Variants in TLK1 observed in about 807,000 individuals in gnomAD.
TLK1 encodes the protein serine/threonine-protein kinase tousled-like 1.
Under a neutral mutation model 105.3 loss-of-function variants are expected in TLK1, and 24 were observed. The ratio of observed to expected loss-of-function variants is 0.23; its 90% confidence interval spans 0.17 to 0.32. TLK1 has a LOEUF of 0.32. Among genes scored for constraint, TLK1 ranks in the 10% least tolerant of loss-of-function variants. TLK1 has a pLI of 1.00. For missense variants in TLK1, 558 were observed against 910.5 expected (o/e 0.61, Z 4.98); for synonymous variants, 321 against 310.4 (o/e 1.03, Z -0.36).
intron 1 of TLK1, among the ~76,000 whole-genome samples, chr2:171,188,705 C>CAA (rs998138338): frequency 9.0e-5 from 4 of 44,632 alleles, no homozygotes; most frequent in Non-Finnish European, 1.4e-4. Flanking sequence ...GACTCTGTCT[C>CAA]AAAAAAAAAA....
intron 12 of TLK1, among the ~76,000 whole-genome samples, chr2:171,015,458 ACACAAACT>A (rs1685134285): frequency 7.6e-6 from 1 of 131,876 alleles, no homozygotes; most frequent in Non-Finnish European, 1.7e-5. Context: ...ACACACACAC[ACACAAACT>A]GACCACTCAC....
chr2:171,073,873 C>CA (rs1491521934), intron 3 of TLK1, among the ~76,000 whole-genome samples: 4 of 22,776 alleles, frequency 1.8e-4, no homozygotes, highest in Admixed American at 6.2e-4. Context: ...ACTTAACATT[C>CA]CCCCCCCCCC....
At chr2:171,086,721 A>G in intron 2 of TLK1, among the ~76,000 whole-genome samples, 1 of 152,072 alleles carries the variant, frequency 6.6e-6, no homozygotes, top group African/African-American at 2.4e-5. Flanking sequence ...GCTTTTGCTG[A>G]GGGGAAGGTC....
chr2:171,123,546 G>A (rs1402373908), intron 1 of TLK1, among the ~76,000 whole-genome samples: 2 of 152,146 alleles, frequency 1.3e-5, no homozygotes, highest in African/African-American at 2.4e-5. Flanking sequence ...AGTGGCTCAC[G>A]TCTGTAATCA....
At position 171,038,532 on chromosome 2, in the gene TLK1, A is replaced by T. The variant is rs372047053; in HGVS notation, c.1169+7642T>A. 3.9e-5 allele frequency among the ~76,000 whole-genome samples: 6 copies of T among 152,322 alleles called. No individual in the cohort carries two copies. In the East Asian group the frequency reaches 9.6e-4, roughly 24 times the overall value. On this transcript the variant is annotated intron_variant, in intron 11 of 20. Coordinates refer to ENST00000431350, the MANE Select transcript of TLK1 (RefSeq NM_012290.5). ...CACTTTCACTAACATTCATTTCAAAATATTTTGAAATCTTTCATTTCAGAA... is the reference window on the plus strand; with the variant it reads ...CACTTTCACTAACATTCATTTCAAATTATTTTGAAATCTTTCATTTCAGAA...
At chr2:171,192,191 C>T (rs1693167477) in intron 1 of TLK1, among the ~76,000 whole-genome samples, 1 of 152,012 alleles carries the variant, frequency 6.6e-6, no homozygotes, top group Non-Finnish European at 1.5e-5. Context: ...ACCATGTTGG[C>T]TAATTTTTTT....
rs570213927 is a variant in TLK1, at chr2:171,159,696, T to C, written c.139+594A>G. 3.9e-5 allele frequency: 6 copies of C among 152,360 alleles called. 1 individual carries two copies. Among genetic ancestry groups the C allele is most frequent in the African/African-American group, 1.4e-4 (6 of 41,556 alleles). 9.4% of individuals were successfully genotyped at this position (152,360 alleles called of 1,614,324 possible). A position where few individuals can be genotyped will look rare whatever the true frequency, so the allele number is the denominator to read the frequency against. Reference sequence around the variant, plus strand: ...AAAAGCCTGCCCACGAGTCAGTCTGTCGTTTAAATTGCTCTAGGGGGCCAC... The same window carrying C: ...AAAAGCCTGCCCACGAGTCAGTCTGCCGTTTAAATTGCTCTAGGGGGCCAC... On this transcript the variant is annotated intron_variant, in intron 1 of 20. Transcript: ENST00000431350.
At chr2:171,161,030 AG>A (rs1692480828), upstream of TLK1, 1 of 13,854 alleles carries the variant, frequency 7.2e-5, no homozygotes, top group African/African-American at 2.2e-4. Flanking sequence ...GGGACCTGCC[AG>A]GGGCTGGGGG....
chr2:171,187,316 A>G (rs530275948), intron 1 of TLK1, among the ~76,000 whole-genome samples: 2 of 152,268 alleles, frequency 1.3e-5, no homozygotes, highest in Non-Finnish European at 2.9e-5. Context: ...TCGCTGGAAT[A>G]CGTACACCTG....
intron 2 of TLK1, among the ~76,000 whole-genome samples, chr2:171,090,584 T>C (rs1689186566): frequency 1.3e-5 from 2 of 152,228 alleles, no homozygotes. Flanking sequence ...TACAAAGTCA[T>C]CAAATCCTTG....
intron 3 of TLK1, among the ~76,000 whole-genome samples, chr2:171,061,930 T>G (rs1188151220): frequency 6.6e-6 from 1 of 152,228 alleles, no homozygotes; most frequent in African/African-American, 2.4e-5. Context: ...GCTTTTACAT[T>G]ACAACGGCAG....
chr2:171,192,544 G>T (rs989244116), intron 1 of TLK1, among the ~76,000 whole-genome samples: 1 of 152,152 alleles, frequency 6.6e-6, no homozygotes, highest in Non-Finnish European at 1.5e-5. Flanking sequence ...GCCGGGCATG[G>T]TTGCACGTGC....
chr2:171,219,370 CCTCTGTCTCT>C (rs1693768375), intron 1 of TLK1, among the ~76,000 whole-genome samples: 1 of 152,134 alleles, frequency 6.6e-6, no homozygotes, highest in East Asian at 1.9e-4. Context: ...ATCGAGTCTC[CCTCTGTCTCT>C]CTCTGTCTTA....
intron 1 of TLK1, among the ~76,000 whole-genome samples, chr2:171,210,198 C>A (rs927985157): frequency 1.3e-5 from 2 of 152,062 alleles, no homozygotes; most frequent in African/African-American, 4.8e-5. Flanking sequence ...ATGTGGCAAC[C>A]AAGGTGTGTA....
upstream of TLK1, among the ~76,000 whole-genome samples, chr2:171,163,926 A>G (rs897331032): frequency 2.0e-5 from 3 of 152,126 alleles, no homozygotes; most frequent in African/African-American, 7.2e-5. Context: ...GGGTTTCACC[A>G]TGTTGCCCAG....
At chr2:171,082,616 T>C (rs1309257714) in intron 3 of TLK1, among the ~76,000 whole-genome samples, 165 bp downstream of exon 3, 1 of 152,198 alleles carries the variant, frequency 6.6e-6, no homozygotes, top group Admixed American at 6.5e-5. Context: ...AATGCAGTCT[T>C]CAATCTGAAT....
intron 11 of TLK1, among the ~76,000 whole-genome samples, chr2:171,037,169 C>T (rs182754240): frequency 1.2e-3 from 188 of 152,122 alleles, no homozygotes; most frequent in Middle Eastern, 3.4e-3. Flanking sequence ...GGGCCTGGCA[C>T]GTTGGCTCAC....
intron 11 of TLK1, among the ~76,000 whole-genome samples, chr2:171,029,670 C>T (rs906874767): frequency 6.6e-6 from 1 of 151,450 alleles, no homozygotes; most frequent in Non-Finnish European, 1.5e-5. Flanking sequence ...GACTTTAAGT[C>T]TTGAAAGTGC....
intron 14 of TLK1, among the ~76,000 whole-genome samples, chr2:171,007,496 T>C (rs545065665): frequency 6.6e-6 from 1 of 152,098 alleles, no homozygotes; most frequent in African/African-American, 2.4e-5. Flanking sequence ...TTTAGAAAAA[T>C]TAAAAAGTTC....
Sources: allele counts gnomAD v4.1 joint callset (sites outside exome capture counted in the v4.1 genomes callset), GRCh38; gene constraint gnomAD v4.1.1; transcripts MANE v1.5; gene names NCBI Gene and HGNC (gene_info 2026-07-23, HGNC 2026-07-21).